PRL: variants seen among roughly 807,000 people sequenced by gnomAD.
PRL encodes decidual prolactin.
A neutral mutation model predicts 21.3 loss-of-function variants in PRL; 24 were observed. The ratio of observed to expected loss-of-function variants is 1.13; its 90% CI spans 0.82 to 1.59. The LOEUF is 1.59. Ranked by LOEUF, PRL falls within the 40% of genes most tolerant of loss-of-function variation. The pLI is 0.00. For synonymous variants in PRL, 118 were observed against 115.7 expected, an observed-to-expected ratio of 1.02 and a Z score of -0.13; for missense variants, 243 against 286.9, an observed-to-expected ratio of 0.85 and a Z score of 1.10.
chr6:22,291,731 G>A (rs1761054038), intron 3 of PRL, among the ~76,000 whole-genome samples: 2 of 152,020 alleles, frequency 1.3e-5, no homozygotes, highest in Non-Finnish European at 2.9e-5. Context: ...CAGAAATGTT[G>A]GTGCCATTCC....
chr6:22,287,554 A>G lies in PRL; in HGVS notation c.532T>C (p.Trp178Arg). Residue 178 changes from tryptophan to arginine, a missense_variant, in exon 5 of 5, where the codon TGG becomes CGG. Coordinates refer to ENST00000306482, the MANE Select transcript of PRL (RefSeq NM_000948.6). ...ATCTGCAGGGATGGAAGTCCCGACC[A>G]GACAGGGTAGATCTCATTTTCTTTG... ...ETKENEIYPV[W>R]SGLPSLQMAD... 1 of 1,613,720 alleles carries G rather than the reference A, an allele frequency of 6.2e-7. No individual in the cohort carries two copies. Among genetic ancestry groups the G allele is most frequent in the Non-Finnish European group, 8.5e-7 (1 of 1,179,762 alleles).
Position 22,287,477 on chromosome 6 carries a change from T to C in PRL, c.609A>G (p.Leu203=), listed in dbSNP as rs1476340266. 6.2e-7 allele frequency: 1 copy of C among 1,614,190 alleles called. No individual in the cohort carries two copies. The highest frequency in any genetic ancestry group is 8.5e-7 in the Non-Finnish European group (1 of 1,180,016). ...LSAYYNLLHC[L]RRDSHKIDNY... is the part of the protein sequence containing the mutation. ...TGTCGATTTTATGTGAATCCCTGCG[T>C]AGGCAGTGGAGCAGGTTATAATAAG... Residue 203 remains leucine (L), a synonymous_variant, in exon 5 of 5, where the codon CTA becomes CTG. Transcript: ENST00000306482.
chr6:22,301,777 A>G (rs953601520), upstream of PRL, among the ~76,000 whole-genome samples: 1 of 152,064 alleles, frequency 6.6e-6, no homozygotes, highest in Non-Finnish European at 1.5e-5. Context: ...TTATTTATTC[A>G]TTCATGTCTT....
At chr6:22,295,321 G>A (rs748116539) in intron 1 of PRL, among the ~76,000 whole-genome samples, 4 of 152,052 alleles carry the variant, frequency 2.6e-5, no homozygotes, top group Admixed American at 1.3e-4. Context: ...TCCCCAAGTC[G>A]TATCATTAGT....
intron 2 of PRL, among the ~76,000 whole-genome samples, chr6:22,293,558 T>G (rs771364924): frequency 1.1e-4 from 16 of 145,290 alleles, no homozygotes; most frequent in Admixed American, 2.8e-4. Context: ...AGAGTACATA[T>G]TTCTGAAAAA....
chr6:22,298,153 T>A (rs1419788165), upstream of PRL, among the ~76,000 whole-genome samples: 5 of 152,218 alleles, frequency 3.3e-5, no homozygotes, highest in Admixed American at 6.5e-5. Context: ...TAATTTCCAC[T>A]CTTTTCAAGG....
rs1760944494 is a variant in PRL at position 22,287,431 on chromosome 6, A to C, written c.655T>G (p.Cys219Gly). The change falls in exon 5 of 5, where the codon TGC becomes GGC. Residue 219 changes from cysteine to glycine, a missense_variant. Coordinates refer to ENST00000306482, the MANE Select transcript of PRL (RefSeq NM_000948.6). ...CAGTTGTTGTTGTGGATGATTCGGCACTTCAGGAGCTTGAGATAATTGTCG... is the reference window on the plus strand; with the variant it reads ...CAGTTGTTGTTGTGGATGATTCGGCCCTTCAGGAGCTTGAGATAATTGTCG... Reference protein sequence around the residue: ...KIDNYLKLLKCRIIHNNNC With the variant: ...KIDNYLKLLKGRIIHNNNC 2 of 1,613,724 alleles carry C rather than the reference A, an allele frequency of 1.2e-6. No individual in the cohort carries two copies. Among genetic ancestry groups the C allele is most frequent in the Admixed American group, 1.7e-5 (1 of 59,984 alleles).
rs74484741 is a variant in PRL, at chr6:22,292,673, G to A, written c.205-28C>T. On this transcript the variant is annotated intron_variant, in intron 2 of 4. Transcript: ENST00000306482. ...GGAAATGATGAGACAAATTCAATTAGTTGGGGTTGTTTGGGCATTGAATAA... is the reference window on the plus strand; with the variant it reads ...GGAAATGATGAGACAAATTCAATTAATTGGGGTTGTTTGGGCATTGAATAA... 2.9e-3 allele frequency: 4,636 copies of A among 1,583,346 alleles called. 113 individuals carry two copies. In the African/African-American group the frequency reaches 0.051, roughly 17 times the overall value.
intron 2 of PRL, among the ~76,000 whole-genome samples, chr6:22,293,174 T>C (rs538047749): frequency 2.0e-4 from 30 of 152,286 alleles, no homozygotes; most frequent in African/African-American, 6.5e-4. Context: ...AAGTTCATGA[T>C]AGAAACGGAA....
chr6:22,296,613 C>T (rs1761178612), intron 1 of PRL, among the ~76,000 whole-genome samples: 1 of 152,162 alleles, frequency 6.6e-6, no homozygotes, highest in African/African-American at 2.4e-5. Context: ...TTGAATAATT[C>T]CTTGTTCTGG....
In PRL at chr6:22,291,510, T is replaced by C. The variant is rs1157766778; in HGVS notation, c.312+1028A>G. The stretch of plus-strand genomic sequence containing the variant: ...GTAGTACAAGTTGAGCATTCCTAAT[T>C]AGAAAATCTGAAATCTGAAATACTC... On this transcript the variant is annotated intron_variant, in intron 3 of 4. Coordinates refer to ENST00000306482, the MANE Select transcript of PRL (RefSeq NM_000948.6). 2.6e-5 allele frequency among the ~76,000 whole-genome samples: 4 copies of C among 152,180 alleles called. No individual in the cohort carries two copies. In the East Asian group the frequency reaches 7.7e-4, roughly 29 times the overall value.
intron 2 of PRL, among the ~76,000 whole-genome samples, chr6:22,294,061 G>A (rs1049592411): frequency 1.3e-5 from 2 of 152,122 alleles, no homozygotes; most frequent in African/African-American, 4.8e-5. Context: ...AGTAAAGAAT[G>A]CCTGTGGAGT....
chr6:22,302,535 C>T (rs1581391998), intron 1 of PRL, among the ~76,000 whole-genome samples: 1 of 152,052 alleles, frequency 6.6e-6, no homozygotes, highest in African/African-American at 2.4e-5. Context: ...TTATGCCTGA[C>T]AGTCCTATAA....
At chr6:22,293,671 G>GAA (rs1761109375) in intron 2 of PRL, among the ~76,000 whole-genome samples, 1 of 130,050 alleles carries the variant, frequency 7.7e-6, no homozygotes, top group African/African-American at 2.9e-5. Context: ...AGGAAGGAAG[G>GAA]AGGGAAGGAA....
chr6:22,301,927 T>C (rs1761288328), upstream of PRL, among the ~76,000 whole-genome samples: 1 of 152,140 alleles, frequency 6.6e-6, no homozygotes, highest in African/African-American at 2.4e-5. Flanking sequence ...ACAAGTATAA[T>C]ACTAGGCTTT....
chr6:22,292,638 C>T lies in PRL; in HGVS notation c.212G>A (p.Arg71Gln), dbSNP rs140506129. ...SSEMFSEFDKRYTHGRGFITK... is the reference protein window; with the variant it reads ...SSEMFSEFDKQYTHGRGFITK... The stretch of plus-strand genomic sequence containing the variant: ...AATGAACCCCCGGCCATGGGTATAC[C>T]GTTTATCCTGGAAATGATGAGACAA... The change falls in exon 3 of 5, where the codon CGG becomes CAG. Residue 71 changes from arginine to glutamine, a missense_variant. Arg to Gln is a conservative substitution (Grantham distance 43, BLOSUM62 1). Transcript: ENST00000306482. 7.3e-5 allele frequency: 117 copies of T among 1,612,316 alleles called. 1 individual carries two copies. The highest frequency in any genetic ancestry group is 3.3e-4 in the Middle Eastern group (2 of 6,056).
chr6:22,301,392 C>T (rs1362628147), upstream of PRL, among the ~76,000 whole-genome samples: 1 of 152,072 alleles, frequency 6.6e-6, no homozygotes, highest in Non-Finnish European at 1.5e-5. Flanking sequence ...CCTGAGGCCC[C>T]CTGAAATGAT....
Position 22,292,575 on chromosome 6 carries a change from G to A in PRL, c.275C>T (p.Ala92Val). ...AINSCHTSSLATPEDKEQAQQ... is the reference protein window; with the variant it reads ...AINSCHTSSLVTPEDKEQAQQ... ...GGCTTGCTCCTTGTCTTCGGGGGTGGCAAGGGAAGAAGTGTGGCAGCTGTT... is the reference window on the plus strand; with the variant it reads ...GGCTTGCTCCTTGTCTTCGGGGGTGACAAGGGAAGAAGTGTGGCAGCTGTT... The change falls in exon 3 of 5, where the codon GCC (alanine) becomes GTC (valine). Residue 92 changes from alanine (A) to valine (V), a missense_variant. Physicochemically the swap from Ala to Val is moderately conservative, Grantham distance 64. Transcript: ENST00000306482. 1 of 1,614,092 alleles carries A rather than the reference G, an allele frequency of 6.2e-7. No homozygotes were observed. The highest frequency in any genetic ancestry group is 2.2e-5 in the East Asian group (1 of 44,856).
In PRL at chr6:22,291,788, A is replaced by G. The variant is rs142533441; in HGVS notation, c.312+750T>C. Reference sequence around the variant, plus strand: ...CATTGAATTTGTAGGTGGCATGCATATAAAGATGTTTGTTTTAAATCATGT... The same window carrying G: ...CATTGAATTTGTAGGTGGCATGCATGTAAAGATGTTTGTTTTAAATCATGT... On this transcript the variant is annotated intron_variant, in intron 3 of 4. Transcript: ENST00000306482. 2.3e-3 allele frequency among the ~76,000 whole-genome samples: 347 copies of G among 152,352 alleles called. 2 individuals carry two copies. In the South Asian group the frequency reaches 0.023, roughly 10 times the overall value.
Sources: allele counts gnomAD v4.1 joint callset (sites outside exome capture counted in the v4.1 genomes callset), GRCh38; gene constraint gnomAD v4.1.1; transcripts MANE v1.5; gene names NCBI Gene and HGNC (gene_info 2026-07-23, HGNC 2026-07-21).